CREB1: variants seen among roughly 807,000 people sequenced by gnomAD.
The protein encoded by CREB1 is cyclic AMP-responsive element-binding protein 1.
In CREB1, 2 loss-of-function variants were observed where a neutral mutation model predicts 42.0. The ratio of observed to expected loss-of-function variants is 0.05; its 90% CI spans 0.02 to 0.15. CREB1 has a LOEUF of 0.15. Among genes scored for constraint, CREB1 ranks in the 10% least tolerant of loss-of-function variants. The probability of loss-of-function intolerance (pLI) is 1.00; values close to 1 mark genes in which losing one functional copy is unlikely to be tolerated. For missense variants in CREB1, 199 were observed against 388.9 expected (o/e 0.51, Z 4.11); for synonymous variants, 123 against 139.9 (o/e 0.88, Z 0.85).
At chr2:207,567,931 T>C (rs2106528220) in intron 4 of CREB1, 1 of 156,394 alleles carries the variant, frequency 6.4e-6, no homozygotes, top group Non-Finnish European at 1.4e-5. Context: ...TATGCCATGG[T>C]ACTTAACAGA....
At chr2:207,543,882 G>A (rs2081196871) in intron 1 of CREB1, among the ~76,000 whole-genome samples, 1 of 151,994 alleles carries the variant, frequency 6.6e-6, no homozygotes, top group African/African-American at 2.4e-5. Context: ...GGGATTACAG[G>A]CGTGAGCCAC....
chr2:207,555,713 A>C lies in CREB1; in HGVS notation c.78A>C (p.Thr26=). ...CAGAAGCTGAAAACCAACAAATGAC[A>C]GTTCAAGCCCAGCCACAGATTGCCA... The part of the protein sequence containing the change: ...AVTEAENQQM[T]VQAQPQIATL... Residue 26 remains threonine (T), a synonymous_variant, in exon 2 of 8, where the codon ACA becomes ACC. Coordinates refer to ENST00000353267, the MANE Select transcript of CREB1 (RefSeq NM_004379.5). 6.2e-7 allele frequency: 1 copy of C among 1,613,720 alleles called. No homozygotes were observed. The highest frequency in any genetic ancestry group is 8.5e-7 in the Non-Finnish European group (1 of 1,179,742).
chr2:207,590,088 T>A (rs1244925544), intron 7 of CREB1, among the ~76,000 whole-genome samples: 17 of 96,404 alleles, frequency 1.8e-4, no homozygotes, highest in African/African-American at 5.8e-4. Flanking sequence ...GAGAAGTTTT[T>A]TTTTTTTTTT....
chr2:207,543,007 C>T (rs930411879), intron 1 of CREB1, among the ~76,000 whole-genome samples: 1 of 152,170 alleles, frequency 6.6e-6, no homozygotes, highest in Admixed American at 6.5e-5. Flanking sequence ...GGTTCCAGGA[C>T]CCCTTCAGGT....
intron 7 of CREB1, among the ~76,000 whole-genome samples, chr2:207,590,313 C>CT (rs1491478071): frequency 6.6e-6 from 1 of 151,290 alleles, no homozygotes; most frequent in Non-Finnish European, 1.5e-5. Flanking sequence ...TTTGTCTTTC[C>CT]TCTCTCTCTG....
rs147227204 is a variant in CREB1 at position 207,563,647 on chromosome 2, T to C, written c.261+3275T>C. The stretch of plus-strand genomic sequence containing the variant: ...GAATCTGACTTCTAAATGACTGTTA[T>C]AAAGTGTTAAATGAGGTCAGACTCC... On this transcript the variant is annotated intron_variant, in intron 3 of 7. Transcript: ENST00000353267. Among the ~76,000 whole-genome samples, 42 of 152,294 alleles carry C rather than the reference T, an allele frequency of 2.8e-4. No homozygotes were observed. The East Asian group carries it at 7.3e-3, about 27-fold the overall frequency.
At chr2:207,568,487 A>G (rs1574856485) in intron 4 of CREB1, among the ~76,000 whole-genome samples, 3 of 152,042 alleles carry the variant, frequency 2.0e-5, no homozygotes, top group African/African-American at 7.2e-5. Flanking sequence ...ACCAAATACT[A>G]CTAGTAAAGT....
intron 1 of CREB1, among the ~76,000 whole-genome samples, chr2:207,552,478 A>G (rs569129781): frequency 6.6e-6 from 1 of 151,828 alleles, no homozygotes; most frequent in South Asian, 2.1e-4. Context: ...GTGGCTTGGA[A>G]TAAAGTCTTT....
In CREB1 at chr2:207,601,092, T is replaced by C. The variant is rs1189637373; in HGVS notation, c.*4034T>C. The C allele has an allele frequency of 1.1e-5, 2 of 181,486 alleles. No homozygotes were observed. The highest frequency in any genetic ancestry group is 8.9e-5 in the East Asian group (1 of 11,190). 11.2% of individuals were successfully genotyped at this position (181,486 alleles called of 1,614,324 possible). A position where few individuals can be genotyped will look rare whatever the true frequency, so the allele number is the denominator to read the frequency against. On this transcript the variant is annotated 3_prime_UTR_variant, in exon 8 of 8. Coordinates refer to ENST00000353267, the MANE Select transcript of CREB1 (RefSeq NM_004379.5). ...GAATTAAAGTGAGTTTTAGAAATAG[T>C]GTTACATACCTTTTCAGTTGTTTTC...
intron 1 of CREB1, among the ~76,000 whole-genome samples, chr2:207,536,937 C>A (rs979193813): frequency 6.6e-6 from 1 of 151,606 alleles, no homozygotes; most frequent in African/African-American, 2.4e-5. Flanking sequence ...TTGCAGTGAG[C>A]CAGTATCACC....
intron 1 of CREB1, among the ~76,000 whole-genome samples, chr2:207,548,751 G>A (rs1266542753): frequency 2.0e-5 from 3 of 151,752 alleles, no homozygotes; most frequent in Non-Finnish European, 4.4e-5. Context: ...CTCTGTCCCC[G>A]CCTGCCTCCC....
At chr2:207,551,664 A>ATACTTC (rs2081508755) in intron 1 of CREB1, among the ~76,000 whole-genome samples, 1 of 152,156 alleles carries the variant, frequency 6.6e-6, no homozygotes, top group South Asian at 2.1e-4. Context: ...GTAAAAGGAA[A>ATACTTC]TACTTCCTTT....
chr2:207,557,257 G>A (rs546148112), intron 2 of CREB1, among the ~76,000 whole-genome samples: 6 of 152,252 alleles, frequency 3.9e-5, no homozygotes, highest in African/African-American at 1.4e-4. Context: ...AGGCTGTATT[G>A]TGTCATCCTG....
chr2:207,531,535 A>C (rs1237794526), intron 1 of CREB1, among the ~76,000 whole-genome samples: 2 of 152,210 alleles, frequency 1.3e-5, no homozygotes, highest in Non-Finnish European at 2.9e-5. Context: ...TAAGTTTGTA[A>C]TACCATCTCA....
intron 1 of CREB1, among the ~76,000 whole-genome samples, chr2:207,530,751 C>T (rs1352904116): frequency 6.6e-6 from 1 of 151,872 alleles, no homozygotes; most frequent in Non-Finnish European, 1.5e-5. Context: ...ATGCCCGCTT[C>T]GCAAGGGGAA....
chr2:207,599,805 G>A lies in CREB1; in HGVS notation c.*2747G>A, dbSNP rs1268551433. Reference sequence around the variant, plus strand: ...AAAAACCTTGTAGCCAAGAACATATGTGGCCACATTACCAGTAATAAATGT... The same window carrying A: ...AAAAACCTTGTAGCCAAGAACATATATGGCCACATTACCAGTAATAAATGT... On this transcript the variant is annotated 3_prime_UTR_variant, in exon 8 of 8. Coordinates refer to ENST00000353267, the MANE Select transcript of CREB1 (RefSeq NM_004379.5). 5.1e-6 allele frequency: 1 copy of A among 196,276 alleles called. No individual in the cohort carries two copies. The highest frequency in any genetic ancestry group is 1.1e-5 in the Non-Finnish European group (1 of 94,546). 12.2% of individuals were successfully genotyped at this position (196,276 alleles called of 1,614,324 possible). A position where few individuals can be genotyped will look rare whatever the true frequency, so the allele number is the denominator to read the frequency against.
intron 1 of CREB1, among the ~76,000 whole-genome samples, chr2:207,538,879 ATG>A (rs1176041253): frequency 2.0e-5 from 3 of 152,192 alleles, no homozygotes; most frequent in African/African-American, 7.2e-5. Context: ...GACAGTACAG[ATG>A]TAACTAAAAA....
At chr2:207,566,777 C>T (rs2082157028) in intron 3 of CREB1, among the ~76,000 whole-genome samples, 2 of 152,148 alleles carry the variant, frequency 1.3e-5, no homozygotes, top group South Asian at 4.1e-4. Context: ...TATGTAAATG[C>T]ATTAGCATAA....
Position 207,597,639 on chromosome 2 carries a change from T to C in CREB1, c.*581T>C, listed in dbSNP as rs1263239543. ...AGAAATGAATTTGGAGTGCTTTTTA[T>C]GTATGTTGTCTTCTTCAATACTGAA... On this transcript the variant is annotated 3_prime_UTR_variant, in exon 8 of 8. Coordinates refer to ENST00000353267, the MANE Select transcript of CREB1 (RefSeq NM_004379.5). 1 of 207,880 alleles carries C rather than the reference T, an allele frequency of 4.8e-6. No individual in the cohort carries two copies. The highest frequency in any genetic ancestry group is 7.4e-5 in the East Asian group (1 of 13,604). 12.9% of individuals were successfully genotyped at this position (207,880 alleles called of 1,614,324 possible).
Sources: allele counts gnomAD v4.1 joint callset (sites outside exome capture counted in the v4.1 genomes callset), GRCh38; gene constraint gnomAD v4.1.1; transcripts MANE v1.5; gene names NCBI Gene and HGNC (gene_info 2026-07-23, HGNC 2026-07-21).